The following SUCLG2 variants were observed in gnomAD, a reference collection of about 807,000 sequenced individuals.
The protein encoded by SUCLG2 is succinate--CoA ligase [GDP-forming] subunit beta, mitochondrial.
SUCLG2 carries 42 observed loss-of-function variants against 47.9 expected under a neutral mutation model. That is an observed-to-expected ratio of 0.88 (90% CI 0.69 to 1.14). The LOEUF is 1.14. SUCLG2 is among the 50% of genes most tolerant of loss of function. The pLI is 0.00. For synonymous variants in SUCLG2, 195 were observed against 197.3 expected (o/e 0.99, Z 0.10); for missense variants, 571 against 525.9 (o/e 1.09, Z -0.84).
At chr3:67,534,872 G>A (rs951386444) in intron 2 of SUCLG2, among the ~76,000 whole-genome samples, 17 of 147,652 alleles carry the variant, frequency 1.2e-4, no homozygotes, top group Middle Eastern at 3.6e-3. Context: ...GAAACCACAG[G>A]ACATTAAACA....
chr3:67,518,324 T>C lies in SUCLG2; in HGVS notation c.583A>G (p.Ile195Val), dbSNP rs776954233. 6.8e-6 allele frequency: 11 copies of C among 1,610,686 alleles called. No homozygotes were observed. The South Asian group carries it at 1.2e-4, about 18-fold the overall frequency. Residue 195 changes from isoleucine to valine, a missense_variant, in exon 6 of 11, where the codon ATT becomes GTT. Ile to Val is a conservative substitution (Grantham distance 29). Coordinates refer to ENST00000307227, the MANE Select transcript of SUCLG2 (RefSeq NM_003848.4). ...PELIFKEQIDIFEGIKDSQAQ... is the reference protein window; with the variant it reads ...PELIFKEQIDVFEGIKDSQAQ... ...TGGCTGTCCTTTATTCCTTCAAAAA[T>C]GTCAATTTGCTCCTAGTAAAAATAA... is the stretch of plus-strand genomic sequence containing the variant.
chr3:67,486,680 C>T (rs2107032087), intron 9 of SUCLG2, among the ~76,000 whole-genome samples: 1 of 152,234 alleles, frequency 6.6e-6, no homozygotes, highest in Admixed American at 6.5e-5. Flanking sequence ...AGGCTTCTGA[C>T]ACTTAGGAAT....
intron 9 of SUCLG2, among the ~76,000 whole-genome samples, chr3:67,449,541 A>T (rs1434954060): frequency 8.2e-6 from 1 of 122,370 alleles, no homozygotes; most frequent in Non-Finnish European, 1.6e-5. Context: ...AGACATGTAC[A>T]TAATACCTCT....
intron 9 of SUCLG2, among the ~76,000 whole-genome samples, chr3:67,405,767 C>T (rs1013685441): frequency 6.6e-6 from 1 of 152,186 alleles, no homozygotes; most frequent in African/African-American, 2.4e-5. Flanking sequence ...GCAAAGTGTA[C>T]ATAATCCTCT....
At chr3:67,596,510 G>C (rs1016087550) in intron 2 of SUCLG2, among the ~76,000 whole-genome samples, 1 of 152,130 alleles carries the variant, frequency 6.6e-6, no homozygotes, top group African/African-American at 2.4e-5. Context: ...TGACCACCCA[G>C]CATTTACAGT....
In SUCLG2 at chr3:67,362,513, A is replaced by AT. The variant is rs1313648639; in HGVS notation, c.1184-1746dup. 6.1e-4 allele frequency among the ~76,000 whole-genome samples: 92 copies of AT among 152,056 alleles called. 1 individual carries two copies. The highest frequency in any genetic ancestry group is 9.9e-4 in the Non-Finnish European group (67 of 67,958). ...GTCTCTGTTAATGAATGATAATCTAATTTTTTTGTGTGTGTGTGATAGTTA... is the reference window on the plus strand; with the variant it reads ...GTCTCTGTTAATGAATGATAATCTAATTTTTTTTGTGTGTGTGTGATAGTTA... On this transcript the variant is annotated intron_variant, in intron 10 of 10. Coordinates refer to the SUCLG2 transcript ENST00000493112.
intron 10 of SUCLG2, among the ~76,000 whole-genome samples, chr3:67,383,409 T>G (rs1219533284): frequency 6.6e-6 from 1 of 152,230 alleles, no homozygotes; most frequent in East Asian, 1.9e-4. Context: ...TCCTTGAATG[T>G]GAATCATATC....
At chr3:67,602,121 C>T (rs992156967) in intron 2 of SUCLG2, among the ~76,000 whole-genome samples, 9 of 152,122 alleles carry the variant, frequency 5.9e-5, no homozygotes, top group African/African-American at 2.2e-4. Context: ...TCTGGTGACA[C>T]TCAGTACCAG....
chr3:67,520,796 C>G (rs1706080395), intron 4 of SUCLG2, among the ~76,000 whole-genome samples, 162 bp from the exon 5 acceptor site: 1 of 152,194 alleles, frequency 6.6e-6, no homozygotes, highest in Non-Finnish European at 1.5e-5. Flanking sequence ...TCATGGTGCA[C>G]ACAATGCCCA....
intron 2 of SUCLG2, among the ~76,000 whole-genome samples, chr3:67,563,234 T>C (rs1027367744): frequency 1.3e-5 from 2 of 152,046 alleles, no homozygotes; most frequent in Non-Finnish European, 2.9e-5. Flanking sequence ...ATCGCTATAT[T>C]AGAAAATTAG....
chr3:67,424,807 G>A (rs553348882), intron 9 of SUCLG2, among the ~76,000 whole-genome samples: 4 of 152,220 alleles, frequency 2.6e-5, no homozygotes, highest in African/African-American at 9.6e-5. Context: ...TATAGAAGTG[G>A]CAGCAGCATT....
At position 67,520,583 on chromosome 3, in the gene SUCLG2, G is replaced by C; in HGVS notation, c.469C>G (p.Leu157Val). ...GGGCCATTGCAGGACCGGTCCATCA[G>C]AATTGCCAGGTAGGTTTCTCTGGAA... is the stretch of plus-strand genomic sequence containing the variant. ...DISRETYLAI[L>V]MDRSCNGPVL... is the part of the protein sequence containing the mutation. The change falls in exon 5 of 11, where the codon CTG becomes GTG. Residue 157 changes from leucine to valine, a missense_variant. Coordinates refer to ENST00000307227, the MANE Select transcript of SUCLG2 (RefSeq NM_003848.4). 6.2e-7 allele frequency: 1 copy of C among 1,614,024 alleles called. No individual in the cohort carries two copies. The highest frequency in any genetic ancestry group is 8.5e-7 in the Non-Finnish European group (1 of 1,179,970).
At chr3:67,395,798 G>C (rs1575667919) in intron 10 of SUCLG2, among the ~76,000 whole-genome samples, 1 of 152,012 alleles carries the variant, frequency 6.6e-6, no homozygotes, top group Non-Finnish European at 1.5e-5. Context: ...TAAAGTAAAA[G>C]AACAGAAATT....
At chr3:67,569,472 G>A (rs1299122880) in intron 2 of SUCLG2, among the ~76,000 whole-genome samples, 1 of 152,214 alleles carries the variant, frequency 6.6e-6, no homozygotes. Flanking sequence ...CTGCCCAAGT[G>A]GACCCAGAAG....
intron 2 of SUCLG2, among the ~76,000 whole-genome samples, chr3:67,586,333 T>C (rs1708019290): frequency 6.6e-6 from 1 of 152,214 alleles, no homozygotes. Flanking sequence ...GCTGTTGTAG[T>C]TTCTCAGTAA....
At chr3:67,527,575 C>G (rs1488323332) in intron 4 of SUCLG2, among the ~76,000 whole-genome samples, 2 of 152,130 alleles carry the variant, frequency 1.3e-5, no homozygotes, top group East Asian at 3.9e-4. Context: ...CCACTTTCCT[C>G]TGGGCTTTAT....
chr3:67,426,168 G>A (rs898662321), intron 9 of SUCLG2, among the ~76,000 whole-genome samples: 4 of 151,756 alleles, frequency 2.6e-5, no homozygotes, highest in Admixed American at 2.0e-4. Flanking sequence ...TTTTTCTTGA[G>A]CTAAAAGAAT....
At chr3:67,508,679 T>C (rs1705705857) in intron 7 of SUCLG2, 128 bp downstream of exon 7, 2 of 727,796 alleles carry the variant, frequency 2.7e-6, no homozygotes, top group Non-Finnish European at 2.2e-6. Flanking sequence ...CATTTCAAAC[T>C]ATGGCAGAAA....
intron 1 of SUCLG2, among the ~76,000 whole-genome samples, chr3:67,631,213 A>T (rs1033352143): frequency 6.6e-6 from 1 of 152,232 alleles, no homozygotes. Flanking sequence ...TCTGACTCTC[A>T]TCAGAATCTC....
Sources: allele counts gnomAD v4.1 joint callset (sites outside exome capture counted in the v4.1 genomes callset), GRCh38; gene constraint gnomAD v4.1.1; transcripts MANE v1.5; gene names NCBI Gene and HGNC (gene_info 2026-07-23, HGNC 2026-07-21).